Variants in IGF1R observed in about 807,000 individuals in gnomAD.
IGF1R encodes insulin-like growth factor 1 receptor.
IGF1R carries 44 observed loss-of-function variants against 144.6 expected under a neutral mutation model. The observed-to-expected ratio is 0.30, with a 90% CI of 0.24 to 0.39. The LOEUF is 0.39. Ranked by LOEUF, IGF1R falls within the 10% of genes least tolerant of loss-of-function variation. IGF1R has a pLI of 1.00. For missense variants in IGF1R, 1,355 were observed against 1,833.7 expected, an observed-to-expected ratio of 0.74 and a Z score of 4.77; for synonymous variants, 795 against 722.8, an observed-to-expected ratio of 1.10 and a Z score of -1.60.
intron 20 of IGF1R, among the ~76,000 whole-genome samples, chr15:98,950,677 T>C (rs2016738726): frequency 6.6e-6 from 1 of 152,210 alleles, no homozygotes. Context: ...TAAAGTCAGA[T>C]CTACCCAGGA....
intron 1 of IGF1R, among the ~76,000 whole-genome samples, chr15:98,687,240 A>T (rs1463459443): frequency 6.6e-6 from 1 of 152,222 alleles, no homozygotes; most frequent in African/African-American, 2.4e-5. Flanking sequence ...TCCAGTAGGT[A>T]AACGAGTGCC....
rs111235919 is a variant in IGF1R, at chr15:98,862,922, G to T, written c.641-28403G>T. On this transcript the variant is annotated intron_variant, in intron 2 of 20. Transcript: ENST00000650285. ...TTAACATCTTACATAACCGTAATAC[G>T]GTTATCAAAACAGTGTTCACTCCAT... Among the ~76,000 whole-genome samples the T allele has an allele frequency of 2.0e-5, 3 of 152,168 alleles. No homozygotes were observed. In the South Asian group the frequency reaches 6.2e-4, roughly 32 times the overall value.
chr15:98,947,819 C>G lies in IGF1R; in HGVS notation c.3588-755C>G, dbSNP rs575013550. 1.2e-4 allele frequency among the ~76,000 whole-genome samples: 19 copies of G among 152,338 alleles called. 1 individual carries two copies. In the South Asian group the frequency reaches 2.9e-3, roughly 23 times the overall value. On this transcript the variant is annotated intron_variant, in intron 19 of 20. Transcript: ENST00000650285. ...CCAGTGCAGCCCACCCTGGTCCCCC[C>G]ACCTGTGACACAGAGGCCCTGCAGG...
Position 98,959,886 on chromosome 15 carries a change from TTTTCTTTTAA to T in IGF1R, c.*2448_*2457del, listed in dbSNP as rs1459542357. 8.6e-5 allele frequency: 20 copies of T among 232,590 alleles called. No homozygotes were observed. The highest frequency in any genetic ancestry group is 4.4e-4 in the African/African-American group (20 of 45,244). 14.4% of individuals were successfully genotyped at this position (232,590 alleles called of 1,614,324 possible). On this transcript the variant is annotated 3_prime_UTR_variant, in exon 21 of 21. Coordinates refer to ENST00000650285, the MANE Select transcript of IGF1R (RefSeq NM_000875.5). Reference sequence around the variant, plus strand: ...AAAAAAAAGGTATTATATGTAGGAGTTTTCTTTTAATTTATTTTGTGATAAATTACCAGTT... The same window carrying T: ...AAAAAAAAGGTATTATATGTAGGAGTTTTATTTTGTGATAAATTACCAGTT...
chr15:98,733,882 T>C (rs2054553110), intron 2 of IGF1R, among the ~76,000 whole-genome samples: 1 of 152,172 alleles, frequency 6.6e-6, no homozygotes, highest in African/African-American at 2.4e-5. Context: ...TCAAAAGTCT[T>C]ATATCTAGAT....
intron 2 of IGF1R, among the ~76,000 whole-genome samples, chr15:98,869,452 T>TA (rs1555454969): frequency 2.0e-5 from 3 of 151,156 alleles, no homozygotes; most frequent in East Asian, 3.9e-4. Flanking sequence ...TTTTTTTTTT[T>TA]AGACGGCGTT....
intron 5 of IGF1R, among the ~76,000 whole-genome samples, chr15:98,907,009 CCTT>C (rs1392235555): frequency 6.6e-6 from 1 of 152,208 alleles, no homozygotes; most frequent in African/African-American, 2.4e-5. Context: ...CTCTGTGACT[CCTT>C]CTGGTCGTTC....
intron 2 of IGF1R, among the ~76,000 whole-genome samples, chr15:98,791,691 A>G (rs1327024578): frequency 6.6e-6 from 1 of 152,246 alleles, no homozygotes; most frequent in African/African-American, 2.4e-5. Flanking sequence ...TCGAAGGATG[A>G]ACATATTTTA....
intron 5 of IGF1R, 147 bp from the exon 6 acceptor site, chr15:98,908,535 TCTC>T (rs2014841799): frequency 4.4e-6 from 3 of 684,292 alleles, no homozygotes; most frequent in South Asian, 3.1e-5. Context: ...AACTGTCTGT[TCTC>T]CTATAGTGTT....
intron 2 of IGF1R, among the ~76,000 whole-genome samples, chr15:98,852,530 C>T (rs558505356): frequency 6.6e-6 from 1 of 152,334 alleles, no homozygotes; most frequent in Admixed American, 6.5e-5. Context: ...CGCAAGGATG[C>T]AGCAGGAGTA....
intron 2 of IGF1R, among the ~76,000 whole-genome samples, chr15:98,884,222 C>T (rs1204460389): frequency 6.6e-6 from 1 of 152,170 alleles, no homozygotes; most frequent in South Asian, 2.1e-4. Flanking sequence ...AGACCTCCCC[C>T]ACACCCAACC....
At chr15:98,757,356 G>A (rs1429043576) in intron 2 of IGF1R, among the ~76,000 whole-genome samples, 1 of 151,998 alleles carries the variant, frequency 6.6e-6, no homozygotes, top group Non-Finnish European at 1.5e-5. Flanking sequence ...TAGAGATGAG[G>A]TCTCACTATA....
chr15:98,756,496 A>G (rs2141344535), intron 2 of IGF1R, among the ~76,000 whole-genome samples: 1 of 152,256 alleles, frequency 6.6e-6, no homozygotes, highest in East Asian at 1.9e-4. Flanking sequence ...TCTGGTAATC[A>G]TAACCCTTTC....
At chr15:98,737,879 C>T (rs1391594631) in intron 2 of IGF1R, among the ~76,000 whole-genome samples, 1 of 152,118 alleles carries the variant, frequency 6.6e-6, no homozygotes, top group Admixed American at 6.5e-5. Flanking sequence ...TTGTGCCCTT[C>T]GTGCTGCACT....
chr15:98,896,672 G>C (rs2151651696), intron 3 of IGF1R, 85 bp from the exon 4 acceptor site: 1 of 1,368,756 alleles, frequency 7.3e-7, no homozygotes, highest in Non-Finnish European at 1.0e-6. Context: ...TAATAACAAT[G>C]AAAAGCATAT....
At chr15:98,896,009 A>G (rs1209212172) in intron 3 of IGF1R, among the ~76,000 whole-genome samples, 1 of 152,044 alleles carries the variant, frequency 6.6e-6, no homozygotes, top group African/African-American at 2.4e-5. Context: ...GGTAAGCAGG[A>G]AAAGTGCCAG....
In IGF1R at chr15:98,810,905, A is replaced by G. The variant is rs1341878661; in HGVS notation, c.641-80420A>G. 2.0e-5 allele frequency among the ~76,000 whole-genome samples: 3 copies of G among 152,134 alleles called. 1 individual carries two copies. The highest frequency in any genetic ancestry group is 7.2e-5 in the African/African-American group (3 of 41,442). ...TTGGCAAACTACAGCCCATGCTGCC[A>G]CATCTGGCCTGCCACACCTGTTGTT... On this transcript the variant is annotated intron_variant, in intron 2 of 20. Coordinates refer to ENST00000650285, the MANE Select transcript of IGF1R (RefSeq NM_000875.5).
At chr15:98,893,345 G>T (rs2151647257) in intron 3 of IGF1R, 1 of 152,196 alleles carries the variant, frequency 6.6e-6, no homozygotes, top group African/African-American at 2.4e-5. Context: ...ATAACCATTA[G>T]CATACTAACA....
At chr15:98,939,479 C>T in intron 18 of IGF1R, 119 bp downstream of exon 18, 1 of 936,488 alleles carries the variant, frequency 1.1e-6, no homozygotes, top group Non-Finnish European at 1.8e-6. Context: ...GCACGGACTC[C>T]TTCTTGGGAA....
Sources: gnomAD v4.1 joint callset for allele counts (sites outside exome capture counted in the v4.1 genomes callset) on GRCh38, gnomAD v4.1.1 for gene constraint, MANE v1.5 for transcripts, NCBI Gene and HGNC (gene_info 2026-07-23, HGNC 2026-07-21) for gene names.